STRBP: variants seen among roughly 807,000 people sequenced by gnomAD.
STRBP encodes spermatid perinuclear RNA binding protein.
STRBP carries 13 observed loss-of-function variants against 80.1 expected under a neutral mutation model. That is an observed-to-expected ratio of 0.16 (90% CI 0.11 to 0.26). STRBP has a LOEUF of 0.26. Ranked by LOEUF, STRBP falls within the 10% of genes least tolerant of loss-of-function variation. STRBP has a pLI of 1.00. For missense variants in STRBP, 485 were observed against 815.2 expected, an observed-to-expected ratio of 0.59 and a Z score of 4.93; for synonymous variants, 284 against 291.2, an observed-to-expected ratio of 0.98 and a Z score of 0.25.
At chr9:123,157,957 T>A (rs2037360023) in intron 11 of STRBP, 55 bp downstream of exon 11, 1 of 1,211,378 alleles carries the variant, frequency 8.3e-7, no homozygotes, top group Non-Finnish European at 1.2e-6. Flanking sequence ...ATGAATCCCA[T>A]GATTATCTCT....
chr9:123,218,634 G>A (rs1048974783), intron 2 of STRBP, among the ~76,000 whole-genome samples: 4 of 151,986 alleles, frequency 2.6e-5, no homozygotes, highest in Non-Finnish European at 5.9e-5. Flanking sequence ...CTCCCAAAGT[G>A]CTGGGATTAC....
chr9:123,167,257 G>A (rs1273202570), intron 6 of STRBP, among the ~76,000 whole-genome samples: 1 of 151,584 alleles, frequency 6.6e-6, no homozygotes, highest in Non-Finnish European at 1.5e-5. Context: ...ACAGGAAAAT[G>A]TCTCCAAGAA....
chr9:123,195,484 A>G (rs1037506436), intron 2 of STRBP, among the ~76,000 whole-genome samples: 17 of 146,252 alleles, frequency 1.2e-4, no homozygotes, highest in African/African-American at 3.9e-4. Context: ...AGAACTGACA[A>G]ACAAATTCAG....
At chr9:123,129,742 A>G (rs887264120) in intron 17 of STRBP, among the ~76,000 whole-genome samples, 1 of 152,228 alleles carries the variant, frequency 6.6e-6, no homozygotes, top group African/African-American at 2.4e-5. Context: ...GCCAAGTTCT[A>G]AATCTCCTGT....
intron 1 of STRBP, among the ~76,000 whole-genome samples, chr9:123,248,576 T>C (rs2040849442): frequency 6.6e-6 from 1 of 152,110 alleles, no homozygotes; most frequent in African/African-American, 2.4e-5. Flanking sequence ...AGCCGAATTA[T>C]TTTTTTAAGG....
intron 2 of STRBP, among the ~76,000 whole-genome samples, chr9:123,198,571 A>AT (rs1451137698): frequency 2.0e-5 from 3 of 151,952 alleles, no homozygotes; most frequent in Non-Finnish European, 2.9e-5. Flanking sequence ...TTACTCTATT[A>AT]TTTCTTTTGC....
intron 4 of STRBP, among the ~76,000 whole-genome samples, chr9:123,177,885 C>T (rs1282095408): frequency 1.3e-5 from 2 of 152,250 alleles, no homozygotes; most frequent in East Asian, 3.9e-4. Flanking sequence ...TTAACTTGCA[C>T]AGGAGCTGAG....
At chr9:123,146,078 C>A (rs1266416006) in intron 13 of STRBP, among the ~76,000 whole-genome samples, 1 of 151,646 alleles carries the variant, frequency 6.6e-6, no homozygotes, top group Non-Finnish European at 1.5e-5. Flanking sequence ...AATGAAATGA[C>A]CATGAAAATA....
Position 123,121,972 on chromosome 9 carries a change from CACTT to C in STRBP, c.*3621_*3624del, listed in dbSNP as rs1427739107. On this transcript the variant is annotated 3_prime_UTR_variant, in exon 19 of 19. Transcript: ENST00000348403. ...CTACACACACACACACACACACACACACTTAGTGTAAGTGAAATGTCTGTCTTGA... is the reference window on the plus strand; with the variant it reads ...CTACACACACACACACACACACACACAGTGTAAGTGAAATGTCTGTCTTGA... 3 of 178,666 alleles carry C rather than the reference CACTT, an allele frequency of 1.7e-5. No homozygotes were observed. The highest frequency in any genetic ancestry group is 3.0e-4 in the East Asian group (2 of 6,624). The allele number at this position is 178,666 out of a possible 1,614,324, so 11.1% of individuals were successfully genotyped here.
chr9:123,267,674 G>A (rs1249180939), intron 1 of STRBP, among the ~76,000 whole-genome samples: 1 of 114,942 alleles, frequency 8.7e-6, no homozygotes, highest in African/African-American at 3.4e-5. Flanking sequence ...ACTTCCCCCT[G>A]CCCCGACCCC....
At chr9:123,264,668 G>A (rs144097940) in intron 1 of STRBP, among the ~76,000 whole-genome samples, 189 of 152,328 alleles carry the variant, frequency 1.2e-3, no homozygotes, top group African/African-American at 4.3e-3. Context: ...TGTCCAGCAA[G>A]TCACCAGCGA....
At chr9:123,178,682 T>C (rs1365517884) in intron 4 of STRBP, among the ~76,000 whole-genome samples, 1 of 152,172 alleles carries the variant, frequency 6.6e-6, no homozygotes, top group Non-Finnish European at 1.5e-5. Context: ...AACACTACTA[T>C]TTATTTGAAA....
intron 2 of STRBP, among the ~76,000 whole-genome samples, chr9:123,231,959 G>T (rs1305820058): frequency 2.6e-5 from 4 of 152,088 alleles, no homozygotes; most frequent in Non-Finnish European, 5.9e-5. Flanking sequence ...TTCTCCTACT[G>T]TTCTTCTATA....
At position 123,125,473 on chromosome 9, in the gene STRBP, G is replaced by C. The variant is rs565370463; in HGVS notation, c.*124C>G. ...TTTGTTAAAATCAAAAAGTAGGAAA[G>C]ATGTTCTTTACAAATAATTTTGATC... On this transcript the variant is annotated 3_prime_UTR_variant, in exon 19 of 19. Transcript: ENST00000348403. 3.1e-6 allele frequency: 4 copies of C among 1,296,856 alleles called. No individual in the cohort carries two copies. The highest frequency in any genetic ancestry group is 3.1e-5 in the African/African-American group (2 of 65,428). 80.3% of individuals were successfully genotyped at this position (1,296,856 alleles called of 1,614,324 possible). A position where few individuals can be genotyped will look rare whatever the true frequency, so the allele number is the denominator to read the frequency against.
intron 1 of STRBP, among the ~76,000 whole-genome samples, chr9:123,247,081 A>G (rs1392033021): frequency 2.0e-5 from 3 of 152,226 alleles, no homozygotes; most frequent in Admixed American, 2.0e-4. Flanking sequence ...AAAAAACCAG[A>G]TTGAAAAAAT....
intron 1 of STRBP, among the ~76,000 whole-genome samples, chr9:123,250,210 T>C (rs1331327263): frequency 6.6e-6 from 1 of 152,222 alleles, no homozygotes; most frequent in Non-Finnish European, 1.5e-5. Context: ...GAAGGCAGAT[T>C]TTCTTCTTCA....
chr9:123,234,040 AAT>A (rs1174645248), intron 2 of STRBP, among the ~76,000 whole-genome samples: 1 of 151,980 alleles, frequency 6.6e-6, no homozygotes, highest in Non-Finnish European at 1.5e-5. Context: ...CTCTATTAAA[AAT>A]ACAAAAAAAT....
At chr9:123,119,789 T>A (rs2035701599), downstream of STRBP, among the ~76,000 whole-genome samples, 1 of 152,180 alleles carries the variant, frequency 6.6e-6, no homozygotes, top group Non-Finnish European at 1.5e-5. Flanking sequence ...GTGTATTAAC[T>A]CATCTAATTC....
intron 4 of STRBP, among the ~76,000 whole-genome samples, chr9:123,175,224 C>T (rs1156431762): frequency 1.3e-5 from 2 of 152,160 alleles, no homozygotes; most frequent in Non-Finnish European, 2.9e-5. Flanking sequence ...AGGTCCCTTA[C>T]ATTATATGAT....
Sources: gnomAD v4.1 joint callset for allele counts (sites outside exome capture counted in the v4.1 genomes callset) on GRCh38, gnomAD v4.1.1 for gene constraint, MANE v1.5 for transcripts, NCBI Gene and HGNC (gene_info 2026-07-23, HGNC 2026-07-21) for gene names.